ZNF804A: variants seen among roughly 807,000 people sequenced by gnomAD.
ZNF804A encodes zinc finger protein 804A.
A neutral mutation model predicts 16.5 loss-of-function variants in ZNF804A; 2 were observed. The ratio of observed to expected loss-of-function variants is 0.12; its 90% confidence interval spans 0.05 to 0.38. The LOEUF (loss-of-function observed/expected upper bound fraction) is 0.38. Ranked by LOEUF, ZNF804A falls within the 10% of genes least tolerant of loss-of-function variation. The probability of loss-of-function intolerance (pLI) is 0.99; values close to 1 mark genes in which losing one functional copy is unlikely to be tolerated. For synonymous variants in ZNF804A, 534 were observed against 489.6 expected (o/e 1.09, Z -1.20); for missense variants, 1,473 against 1,390.7 (o/e 1.06, Z -0.94).
intron 2 of ZNF804A, among the ~76,000 whole-genome samples, chr2:184,920,708 G>T (rs1685516553): frequency 6.6e-6 from 1 of 152,158 alleles, no homozygotes; most frequent in African/African-American, 2.4e-5. Context: ...ATTTCAGTGG[G>T]TCTTATGAAA....
At chr2:184,780,493 C>T (rs1694356724) in intron 1 of ZNF804A, among the ~76,000 whole-genome samples, 1 of 151,646 alleles carries the variant, frequency 6.6e-6, no homozygotes. Context: ...TCCTGTCTTT[C>T]TGTTTGTTTT....
intron 1 of ZNF804A, among the ~76,000 whole-genome samples, chr2:184,795,477 TACAA>T (rs1018858889): frequency 1.3e-5 from 2 of 150,260 alleles, no homozygotes; most frequent in Non-Finnish European, 3.0e-5. Flanking sequence ...TCTGAAAGAG[TACAA>T]ACAGACAATC....
At chr2:184,690,260 A>G (rs1048399378) in intron 1 of ZNF804A, among the ~76,000 whole-genome samples, 1 of 151,958 alleles carries the variant, frequency 6.6e-6, no homozygotes, top group African/African-American at 2.4e-5. Flanking sequence ...AAATGGTGAC[A>G]AGACTGTTGT....
intron 1 of ZNF804A, among the ~76,000 whole-genome samples, chr2:184,657,244 C>G (rs1349492448): frequency 6.6e-6 from 1 of 152,088 alleles, no homozygotes; most frequent in Non-Finnish European, 1.5e-5. Flanking sequence ...CACCCCAATG[C>G]CTGGCTAATT....
intron 2 of ZNF804A, among the ~76,000 whole-genome samples, chr2:184,886,252 T>C (rs564430067): frequency 6.6e-6 from 1 of 152,282 alleles, no homozygotes; most frequent in African/African-American, 2.4e-5. Flanking sequence ...CTCCTTTGAC[T>C]CCAGGTCTCA....
chr2:184,929,696 CTCTT>C (rs1206892981), intron 2 of ZNF804A, among the ~76,000 whole-genome samples: 3 of 152,058 alleles, frequency 2.0e-5, no homozygotes, highest in Admixed American at 6.6e-5. Context: ...GGTATTAAAA[CTCTT>C]TCTTGCTTTA....
At chr2:184,782,455 C>T (rs1694384609) in intron 1 of ZNF804A, among the ~76,000 whole-genome samples, 1 of 151,278 alleles carries the variant, frequency 6.6e-6, no homozygotes, top group Non-Finnish European at 1.5e-5. Flanking sequence ...AACAAAACAA[C>T]AACAACAAAA....
At chr2:184,881,072 A>G (rs1456593663) in intron 2 of ZNF804A, among the ~76,000 whole-genome samples, 2 of 152,076 alleles carry the variant, frequency 1.3e-5, no homozygotes, top group Non-Finnish European at 2.9e-5. Context: ...AGAAAGAATC[A>G]AAACGAGCTG....
intron 2 of ZNF804A, among the ~76,000 whole-genome samples, chr2:184,893,426 A>G (rs1286803179): frequency 6.6e-6 from 1 of 152,128 alleles, no homozygotes; most frequent in East Asian, 1.9e-4. Flanking sequence ...TGTAAGATTA[A>G]TTTATTTTGT....
intron 1 of ZNF804A, among the ~76,000 whole-genome samples, chr2:184,703,389 T>C (rs568292940): frequency 6.6e-6 from 1 of 152,184 alleles, no homozygotes; most frequent in African/African-American, 2.4e-5. Flanking sequence ...CTAGTTATAG[T>C]TAATAATCAT....
At chr2:184,722,966 T>G (rs1204642726) in intron 1 of ZNF804A, among the ~76,000 whole-genome samples, 1 of 151,930 alleles carries the variant, frequency 6.6e-6, no homozygotes, top group Non-Finnish European at 1.5e-5. Context: ...CCTAGGCTAT[T>G]AAGGTAATCA....
chr2:184,929,038 C>A (rs80318482), intron 2 of ZNF804A, among the ~76,000 whole-genome samples: 6,237 of 152,170 alleles, frequency 0.041, 406 homozygotes, highest in African/African-American at 0.14. Context: ...TATGAAGGTG[C>A]CTTTTTTGTG....
chr2:184,745,131 T>C (rs543453268), intron 1 of ZNF804A, among the ~76,000 whole-genome samples: 1 of 151,978 alleles, frequency 6.6e-6, no homozygotes, highest in African/African-American at 2.4e-5. Context: ...TAGTGTATTA[T>C]ACCTATTTTT....
At chr2:184,826,486 A>G (rs890142903) in intron 1 of ZNF804A, among the ~76,000 whole-genome samples, 5 of 152,048 alleles carry the variant, frequency 3.3e-5, no homozygotes, top group African/African-American at 4.8e-5. Flanking sequence ...TATTTTCTTT[A>G]TATTTGTGAA....
intron 2 of ZNF804A, among the ~76,000 whole-genome samples, chr2:184,882,526 A>C (rs1323304929): frequency 5.3e-5 from 8 of 152,054 alleles, no homozygotes; most frequent in Non-Finnish European, 1.5e-5. Flanking sequence ...TTCACATGGC[A>C]CATACTCACG....
intron 1 of ZNF804A, among the ~76,000 whole-genome samples, chr2:184,809,422 T>A (rs1316511786): frequency 6.6e-6 from 1 of 151,858 alleles, no homozygotes; most frequent in Non-Finnish European, 1.5e-5. Context: ...AAAAGTATTC[T>A]GGATTGCCTA....
intron 1 of ZNF804A, among the ~76,000 whole-genome samples, chr2:184,705,911 C>T (rs1486285568): frequency 6.6e-6 from 1 of 152,092 alleles, no homozygotes; most frequent in Non-Finnish European, 1.5e-5. Context: ...TACCATGGCA[C>T]CTTTTTTTAT....
chr2:184,825,718 A>C (rs1307212776), intron 1 of ZNF804A, among the ~76,000 whole-genome samples: 1 of 152,162 alleles, frequency 6.6e-6, no homozygotes, highest in Non-Finnish European at 1.5e-5. Context: ...GTATGGGACA[A>C]AATGGAAAAG....
intron 1 of ZNF804A, among the ~76,000 whole-genome samples, chr2:184,622,007 G>C (rs1347262976): frequency 1.3e-5 from 2 of 151,756 alleles, no homozygotes; most frequent in Non-Finnish European, 3.0e-5. Context: ...TAATTTGACT[G>C]TTCTGTATAC....
Sources: gnomAD v4.1 joint callset for allele counts (sites outside exome capture counted in the v4.1 genomes callset) on GRCh38, gnomAD v4.1.1 for gene constraint, MANE v1.5 for transcripts, NCBI Gene and HGNC (gene_info 2026-07-23, HGNC 2026-07-21) for gene names.